Variants in SYNPO2L observed in about 807,000 individuals in gnomAD.
SYNPO2L encodes the protein synaptopodin 2 like.
Under a neutral mutation model 47.5 loss-of-function variants are expected in SYNPO2L, and 34 were observed. The observed-to-expected ratio is 0.72, with a 90% CI of 0.54 to 0.95. The LOEUF (loss-of-function observed/expected upper bound fraction) is 0.95, where lower values mean the gene tolerates loss of function less well. Ranked by LOEUF, SYNPO2L falls within the 40% of genes least tolerant of loss-of-function variation. The pLI is 0.00. For missense variants in SYNPO2L, 1,246 were observed against 1,282.0 expected (o/e 0.97, Z 0.43); for synonymous variants, 536 against 524.9 (o/e 1.02, Z -0.29).
At position 73,655,886 on chromosome 10, in the gene SYNPO2L, C is replaced by A. The variant is rs1564995988; in HGVS notation, c.37G>T (p.Gly13Trp). 5.8e-6 allele frequency: 9 copies of A among 1,551,326 alleles called. No individual in the cohort carries two copies. Among genetic ancestry groups the A allele is most frequent in the Non-Finnish European group, 5.2e-6 (6 of 1,146,952 alleles). Residue 13 changes from glycine (G) to tryptophan (W), a missense_variant, in exon 1 of 4, where the codon GGG becomes TGG. Transcript: ENST00000394810. The part of the protein sequence containing the change: ...AEEEVLVTLS[G>W]GAPWGFRLHG... ...AGTCGGAAGCCCCAGGGGGCTCCCCCTGATAGTGTGACCAGCACCTCCTCC... is the reference window on the plus strand; with the variant it reads ...AGTCGGAAGCCCCAGGGGGCTCCCCATGATAGTGTGACCAGCACCTCCTCC...
chr10:73,646,793 T>C lies in SYNPO2L; in HGVS notation c.2859A>G (p.Val953=), dbSNP rs1262099447. 1.3e-6 allele frequency: 2 copies of C among 1,528,048 alleles called. No homozygotes were observed. The highest frequency in any genetic ancestry group is 1.8e-6 in the Non-Finnish European group (2 of 1,140,752). 94.7% of individuals were successfully genotyped at this position (1,528,048 alleles called of 1,614,324 possible). The change falls in exon 4 of 4, where the codon GTA becomes GTG. Residue 953 remains valine (V), a synonymous_variant. Coordinates refer to ENST00000394810, the MANE Select transcript of SYNPO2L (RefSeq NM_001114133.3). ...GASPSSCGFQ[V]ARPRFSATRT... is the part of the protein sequence containing the mutation. ...TGGTGGCTGAAAATCGGGGCCTGGC[T>C]ACCTGGAAACCGCAGGAGCTGGGAG...
At chr10:73,650,896 G>A in intron 3 of SYNPO2L, 1 of 1,605,030 alleles carries the variant, frequency 6.2e-7, no homozygotes. Context: ...CATAGATATG[G>A]GAGGGTAGTA....
rs929355428 is a variant in SYNPO2L at position 73,646,190 on chromosome 10, A to G, written c.*528T>C. 28 of 946,726 alleles carry G rather than the reference A, an allele frequency of 3.0e-5. No homozygotes were observed. The African/African-American group carries it at 4.5e-4, about 15-fold the overall frequency. 58.6% of individuals were successfully genotyped at this position (946,726 alleles called of 1,614,324 possible). A position where few individuals can be genotyped will look rare whatever the true frequency, so the allele number is the denominator to read the frequency against. ...CTTAGACGGAAGAGCACACACACAC[A>G]CACACACACACACACACACACACAC... is the stretch of plus-strand genomic sequence containing the variant. On this transcript the variant is annotated 3_prime_UTR_variant, in exon 4 of 4. Coordinates refer to ENST00000394810, the MANE Select transcript of SYNPO2L (RefSeq NM_001114133.3).
rs989048974 is a variant in SYNPO2L at position 73,644,913 on chromosome 10, C to T, written c.*1805G>A. 2.5e-5 allele frequency: 24 copies of T among 966,996 alleles called. No homozygotes were observed. Among genetic ancestry groups the T allele is most frequent in the Non-Finnish European group, 3.3e-5 (24 of 732,744 alleles). 59.9% of individuals were successfully genotyped at this position (966,996 alleles called of 1,614,324 possible). The stretch of plus-strand genomic sequence containing the variant: ...TGGGGCATAAATTTATTCTTGTGCA[C>T]AAACCAAAGTATTGTGACTCACACC... On this transcript the variant is annotated 3_prime_UTR_variant, in exon 4 of 4. Transcript: ENST00000394810.
rs780246399 is a variant in SYNPO2L at position 73,647,393 on chromosome 10, C to G, written c.2259G>C (p.Arg753Ser). The G allele has an allele frequency of 6.2e-6, 10 of 1,613,766 alleles. No individual in the cohort carries two copies. Among genetic ancestry groups the G allele is most frequent in the Non-Finnish European group, 8.5e-6 (10 of 1,179,770 alleles). The change falls in exon 4 of 4, where the codon AGG becomes AGC. Residue 753 changes from arginine to serine, a missense_variant. Arg to Ser is a moderately radical substitution (Grantham distance 110). Around this residue, in one of 3 missense-constraint regions of SYNPO2L, gnomAD observed 1,037 missense variants for 1,021.5 expected, o/e 1.02. Coordinates refer to ENST00000394810, the MANE Select transcript of SYNPO2L (RefSeq NM_001114133.3). ...ACAGCTCCCCACCCCTGCCCTGCAGCCTTGGTGGCTCAGGGATTCCAGCCG... is the reference window on the plus strand; with the variant it reads ...ACAGCTCCCCACCCCTGCCCTGCAGGCTTGGTGGCTCAGGGATTCCAGCCG... ...ASSAGIPEPP[R>S]LQGRGGELFA...
Position 73,646,722 on chromosome 10 carries a change from T to G in SYNPO2L, c.2930A>C (p.Gln977Pro), listed in dbSNP as rs756135748. 1 of 1,486,300 alleles carries G rather than the reference T, an allele frequency of 6.7e-7. No homozygotes were observed. Among genetic ancestry groups the G allele is most frequent in the Non-Finnish European group, 9.0e-7 (1 of 1,117,178 alleles). 92.1% of individuals were successfully genotyped at this position (1,486,300 alleles called of 1,614,324 possible). ...AHVWRPGAGH[Q>P] ...GGTCCTGGGACCTGTGCCTGTTCAC[T>G]GGTGCCCTGCCCCAGGCCTCCACAC... Residue 977 changes from glutamine to proline, a missense_variant, in exon 4 of 4, where the codon CAG (glutamine) becomes CCG (proline). Transcript: ENST00000394810.
In SYNPO2L at chr10:73,648,496, G is replaced by C. The variant is rs763416831; in HGVS notation, c.1156C>G (p.Arg386Gly). The stretch of plus-strand genomic sequence containing the variant: ...TGCTGTTCAAAGAGCTGCACCCCTC[G>C]CCCAGAGACCTCACTCAGCTGCCCT... The part of the protein sequence containing the change: ...LGGQLSEVSG[R>G]GVQLFEQQRQ... Residue 386 changes from arginine (R) to glycine (G), a missense_variant, in exon 4 of 4, where the codon CGA becomes GGA. Around this residue, in one of 3 missense-constraint regions of SYNPO2L, gnomAD observed 1,037 missense variants for 1,021.5 expected, o/e 1.02. Coordinates refer to ENST00000394810, the MANE Select transcript of SYNPO2L (RefSeq NM_001114133.3). 5.3e-5 allele frequency: 86 copies of C among 1,613,522 alleles called. No individual in the cohort carries two copies. The highest frequency in any genetic ancestry group is 6.6e-5 in the Non-Finnish European group (78 of 1,179,888).
At position 73,645,925 on chromosome 10, in the gene SYNPO2L, T is replaced by C. The variant is rs993485209; in HGVS notation, c.*793A>G. The C allele has an allele frequency of 1.1e-5, 10 of 909,808 alleles. No homozygotes were observed. The highest frequency in any genetic ancestry group is 1.3e-5 in the Non-Finnish European group (10 of 760,704). 56.4% of individuals were successfully genotyped at this position (909,808 alleles called of 1,614,324 possible). ...CTGCAAGCTCCGCCTTCCAGGTTCA[T>C]GCCATTCTCCTGCCTCAGCCTCCCG... On this transcript the variant is annotated 3_prime_UTR_variant, in exon 4 of 4. Transcript: ENST00000394810.
Position 73,647,311 on chromosome 10 carries a change from C to G in SYNPO2L, c.2341G>C (p.Gly781Arg), listed in dbSNP as rs951001192. The G allele has an allele frequency of 5.6e-6, 9 of 1,614,070 alleles. 1 individual carries two copies. In the Admixed American group the frequency reaches 1.2e-4, roughly 21 times the overall value. The part of the protein sequence containing the change: ...RYVVEGTPGP[G>R]LGPRPRSPSP... ...GGACTTCTAGGCCGAGGGCCAAGAC[C>G]AGGACCAGGTGTACCTTCCACCACA... is the stretch of plus-strand genomic sequence containing the variant. Residue 781 changes from glycine to arginine, a missense_variant, in exon 4 of 4, where the codon GGT becomes CGT. Gly to Arg is a moderately radical substitution (Grantham distance 125). Transcript: ENST00000394810.
chr10:73,647,069 C>A lies in SYNPO2L; in HGVS notation c.2583G>T (p.Met861Ile). Residue 861 changes from methionine (M) to isoleucine (I), a missense_variant, in exon 4 of 4, where the codon ATG becomes ATT. Around this residue, in one of 3 missense-constraint regions of SYNPO2L, gnomAD observed 1,037 missense variants for 1,021.5 expected, o/e 1.02. Transcript: ENST00000394810. ...TCGGGGGAACCTCATCAAAACAGAA[C>A]ATGGCAGTTTTAAGTTGATAGGGCT... ...RHQPYQLKTA[M>I]FCFDEVPPTP... 1 of 1,613,932 alleles carries A rather than the reference C, an allele frequency of 6.2e-7. No homozygotes were observed. The highest frequency in any genetic ancestry group is 8.5e-7 in the Non-Finnish European group (1 of 1,179,994).
At chr10:73,649,783 C>T (rs1272106645) in intron 3 of SYNPO2L, 1 of 985,302 alleles carries the variant, frequency 1.0e-6, no homozygotes, top group Non-Finnish European at 1.2e-6. Flanking sequence ...CAGGGCAGTC[C>T]TCTGGGCTTC....
At chr10:73,653,052 G>T in intron 3 of SYNPO2L, 87 bp downstream of exon 3, 1 of 1,396,852 alleles carries the variant, frequency 7.2e-7, no homozygotes, top group Non-Finnish European at 9.4e-7. Context: ...AGGGTCCCAA[G>T]GTAGGGAGAA....
rs2081854865 is a variant in SYNPO2L, at chr10:73,653,281, A to G, written c.630T>C (p.Leu210=). 1 of 1,550,484 alleles carries G rather than the reference A, an allele frequency of 6.4e-7. No homozygotes were observed. The highest frequency in any genetic ancestry group is 1.4e-5 in the African/African-American group (1 of 73,028). ...GCAGAGCCTCAGCTGGGGGTGGCTG[A>G]AGGGCTGCCCCATCCTCCCAAGACG... ...SSPSWEDGAA[L]QPPPAEALLL... Residue 210 remains leucine, a synonymous_variant, in exon 3 of 4, where the codon CTT becomes CTC. Transcript: ENST00000394810.
chr10:73,648,138 G>A lies in SYNPO2L; in HGVS notation c.1514C>T (p.Ala505Val), dbSNP rs767671228. The part of the protein sequence containing the change: ...ANDSLGGLSP[A>V]PPPFLSSQGP... ...CTGCGAAGACAAGAAGGGGGGTGGG[G>A]CGGGGCTGAGGCCCCCCAGGCTGTC... Residue 505 changes from alanine (A) to valine (V), a missense_variant, in exon 4 of 4, where the codon GCC becomes GTC. Physicochemically the swap from Ala to Val is moderately conservative, Grantham distance 64. Transcript: ENST00000394810. 2.2e-5 allele frequency: 34 copies of A among 1,541,496 alleles called. No homozygotes were observed. The highest frequency in any genetic ancestry group is 2.8e-5 in the Non-Finnish European group (32 of 1,145,260).
Position 73,648,164 on chromosome 10 carries a change from G to T in SYNPO2L, c.1488C>A (p.Asn496Lys). 1 of 1,552,936 alleles carries T rather than the reference G, an allele frequency of 6.4e-7. No homozygotes were observed. The highest frequency in any genetic ancestry group is 8.7e-7 in the Non-Finnish European group (1 of 1,151,324). ...CGGGGCTGAGGCCCCCCAGGCTGTCGTTCGCCCTTTTGGGGGCTAAAGGCC... is the reference window on the plus strand; with the variant it reads ...CGGGGCTGAGGCCCCCCAGGCTGTCTTTCGCCCTTTTGGGGGCTAAAGGCC... ...IFRPLAPKRA[N>K]DSLGGLSPAP... Residue 496 changes from asparagine (N) to lysine (K), a missense_variant, in exon 4 of 4, where the codon AAC (asparagine) becomes AAA (lysine). By Grantham distance (94) the Asn-to-Lys change is moderately conservative (BLOSUM62 0). Coordinates refer to ENST00000394810, the MANE Select transcript of SYNPO2L (RefSeq NM_001114133.3).
chr10:73,648,575 C>A lies in SYNPO2L; in HGVS notation c.1077G>T (p.Met359Ile). 2 of 1,614,204 alleles carry A rather than the reference C, an allele frequency of 1.2e-6. No individual in the cohort carries two copies. Among genetic ancestry groups the A allele is most frequent in the Non-Finnish European group, 1.7e-6 (2 of 1,180,026 alleles). The change falls in exon 4 of 4, where the codon ATG becomes ATT. Residue 359 changes from methionine to isoleucine, a missense_variant. By Grantham distance (10) the Met-to-Ile change is conservative (BLOSUM62 1). Around this residue, in one of 3 missense-constraint regions of SYNPO2L, gnomAD observed 1,037 missense variants for 1,021.5 expected, o/e 1.02. Coordinates refer to ENST00000394810, the MANE Select transcript of SYNPO2L (RefSeq NM_001114133.3). Reference sequence around the variant, plus strand: ...CTCTTGAGCCCGCCCTGGCAAGCTCCATGTCCAGATAGGGACTGTCCCAGT... The same window carrying A: ...CTCTTGAGCCCGCCCTGGCAAGCTCAATGTCCAGATAGGGACTGTCCCAGT... ...QSDWDSPYLDMELARAGSRAS... is the reference protein window; with the variant it reads ...QSDWDSPYLDIELARAGSRAS...
intron 2 of SYNPO2L, among the ~76,000 whole-genome samples, chr10:73,653,878 G>A (rs546637756): frequency 1.3e-5 from 2 of 152,206 alleles, no homozygotes; most frequent in East Asian, 1.9e-4. Context: ...AGAGGAAGAT[G>A]TAATGAGGAG....
intron 3 of SYNPO2L, chr10:73,649,848 T>TA (rs2081824874): frequency 1.0e-6 from 1 of 985,412 alleles, no homozygotes; most frequent in African/African-American, 1.7e-5. Flanking sequence ...CAGGAAAAGT[T>TA]AGAGTGTTGT....
chr10:73,649,257 G>A (rs951112489), intron 3 of SYNPO2L, among the ~76,000 whole-genome samples: 1 of 152,134 alleles, frequency 6.6e-6, no homozygotes, highest in African/African-American at 2.4e-5. Context: ...ACTCTCCGTG[G>A]CAGACAGGGA....
Sources: gnomAD v4.1 joint callset for allele counts (sites outside exome capture counted in the v4.1 genomes callset) on GRCh38, gnomAD v4.1.1 for gene constraint, gnomAD v4.1.1 regional missense constraint, MANE v1.5 for transcripts, NCBI Gene and HGNC (gene_info 2026-07-23, HGNC 2026-07-21) for gene names.